COL25A1: variants seen among roughly 807,000 people sequenced by gnomAD.
COL25A1 encodes the protein collagen alpha-1(XXV) chain.
A neutral mutation model predicts 128.4 loss-of-function variants in COL25A1; 103 were observed. The ratio of observed to expected loss-of-function variants is 0.80; its 90% CI spans 0.68 to 0.94. COL25A1 has a LOEUF of 0.94. COL25A1 is among the 40% of genes least tolerant of loss of function. COL25A1 has a pLI of 0.00. For missense variants in COL25A1, 745 were observed against 840.0 expected (o/e 0.89, Z 1.40); for synonymous variants, 279 against 277.2 (o/e 1.01, Z -0.06).
chr4:109,168,026 T>C (rs1300721854), intron 3 of COL25A1, among the ~76,000 whole-genome samples: 1 of 152,160 alleles, frequency 6.6e-6, no homozygotes, highest in Non-Finnish European at 1.5e-5. Context: ...GTTGGTTTTT[T>C]AGGTTGCCAT....
chr4:109,273,687 A>G (rs931798478), intron 3 of COL25A1, among the ~76,000 whole-genome samples: 2 of 152,156 alleles, frequency 1.3e-5, no homozygotes, highest in African/African-American at 4.8e-5. Context: ...TTTTAAGGCT[A>G]ATAATCACTC....
chr4:108,942,023 T>A (rs1049295498), intron 8 of COL25A1, among the ~76,000 whole-genome samples: 1 of 152,316 alleles, frequency 6.6e-6, no homozygotes, highest in African/African-American at 2.4e-5. Context: ...CTCTCAAGTA[T>A]GCTCAGGATA....
rs776354821 is a variant in COL25A1 at position 108,899,048 on chromosome 4, C to T, written c.861+106G>A. The T allele has an allele frequency of 1.9e-6, 2 of 1,031,066 alleles. 1 individual carries two copies. Among genetic ancestry groups the T allele is most frequent in the Non-Finnish European group, 2.9e-6 (2 of 686,406 alleles). The allele number at this position is 1,031,066 out of a possible 1,614,324, so 63.9% of individuals were successfully genotyped here. A position where few individuals can be genotyped will look rare whatever the true frequency, so the allele number is the denominator to read the frequency against. On this transcript the variant is annotated intron_variant, in intron 15 of 37. Transcript: ENST00000399132. Reference sequence around the variant, plus strand: ...CTACCTATTAATCTACCCACCCACCCATCCATCCACCCATCCATTCATGCA... The same window carrying T: ...CTACCTATTAATCTACCCACCCACCTATCCATCCACCCATCCATTCATGCA...
At chr4:109,111,555 C>T (rs1181017654) in intron 3 of COL25A1, among the ~76,000 whole-genome samples, 2 of 152,278 alleles carry the variant, frequency 1.3e-5, no homozygotes, top group African/African-American at 4.8e-5. Flanking sequence ...CTCAAGGATT[C>T]CTCGGACACA....
chr4:109,017,899 T>C (rs1390080675), intron 5 of COL25A1, among the ~76,000 whole-genome samples: 2 of 152,328 alleles, frequency 1.3e-5, no homozygotes, highest in Middle Eastern at 3.4e-3. Flanking sequence ...ACTACTACTT[T>C]TATTTTAGTA....
intron 5 of COL25A1, among the ~76,000 whole-genome samples, chr4:109,036,920 G>A (rs1759414761): frequency 6.6e-6 from 1 of 152,194 alleles, no homozygotes; most frequent in Admixed American, 6.5e-5. Flanking sequence ...GCAAGTTGAA[G>A]TTGTTCCCCA....
rs111610053 is a variant in COL25A1 at position 109,087,390 on chromosome 4, G to A, written c.368-37211C>T. ...GAAATTTAACTGCACCACCCACCCC[G>A]CCTGCGCCACACCTAGATGACAGCA... On this transcript the variant is annotated intron_variant, in intron 3 of 37. Coordinates refer to ENST00000399132, the MANE Select transcript of COL25A1 (RefSeq NM_198721.4). Among the ~76,000 whole-genome samples, 842 of 152,200 alleles carry A rather than the reference G, an allele frequency of 5.5e-3. 9 individuals are homozygous for A. Among genetic ancestry groups the A allele is most frequent in the African/African-American group, 0.019 (782 of 41,528 alleles).
intron 3 of COL25A1, among the ~76,000 whole-genome samples, chr4:109,152,999 T>C (rs751334632): frequency 9.9e-5 from 15 of 152,160 alleles, no homozygotes; most frequent in Non-Finnish European, 1.9e-4. Flanking sequence ...CGCAAAACTA[T>C]ACATTTAAGT....
chr4:109,085,893 C>T lies in COL25A1; in HGVS notation c.368-35714G>A, dbSNP rs191246883. ...GAATCTTTTACCCTGAAAATAACAT[C>T]CAGTATATTTTATAAGGATGAGGTA... On this transcript the variant is annotated intron_variant, in intron 3 of 37. Coordinates refer to ENST00000399132, the MANE Select transcript of COL25A1 (RefSeq NM_198721.4). 2.1e-4 allele frequency among the ~76,000 whole-genome samples: 32 copies of T among 152,172 alleles called. No homozygotes were observed. The East Asian group carries it at 5.8e-3, about 28-fold the overall frequency.
At position 109,197,433 on chromosome 4, in the gene COL25A1, A is replaced by ATTATATG. The variant is rs1241975133; in HGVS notation, c.367+103149_367+103150insCATATAA. ...TATATATTATATATTATATATAAAT[A>ATTATATG]TTATATATTATATATATTATATATA... On this transcript the variant is annotated intron_variant, in intron 3 of 37. Coordinates refer to ENST00000399132, the MANE Select transcript of COL25A1 (RefSeq NM_198721.4). 1.9e-3 allele frequency among the ~76,000 whole-genome samples: 236 copies of ATTATATG among 124,554 alleles called. 2 individuals are homozygous for ATTATATG. In the South Asian group the frequency reaches 0.026, roughly 14 times the overall value. The allele number at this position is 124,554 out of a possible 152,430, so 81.7% of individuals were successfully genotyped here.
chr4:109,137,311 A>C (rs1769883948), intron 3 of COL25A1, among the ~76,000 whole-genome samples: 2 of 152,240 alleles, frequency 1.3e-5, no homozygotes, highest in Admixed American at 1.3e-4. Flanking sequence ...ACTATCCATG[A>C]AAATAAAAAC....
In COL25A1 at chr4:109,300,603, G is replaced by A. The variant is rs1215471976; in HGVS notation, c.347C>T (p.Ser116Leu). The A allele has an allele frequency of 1.2e-6, 2 of 1,611,720 alleles. No individual in the cohort carries two copies. The highest frequency in any genetic ancestry group is 1.3e-5 in the African/African-American group (1 of 74,868). The change falls in exon 3 of 38, where the codon TCA becomes TTA. Residue 116 changes from serine to leucine, a missense_variant. Around this residue, in one of 3 missense-constraint regions of COL25A1, gnomAD observed 319 missense variants for 324.9 expected, o/e 0.98. Transcript: ENST00000399132. ...AKIRIAREAP[S>L]ECNCPAGPPG... ...TTTACCTGCTGGGCAGTTACATTCT[G>A]AAGGTGCTTCTCTTGCGATTCTTAT... is the stretch of plus-strand genomic sequence containing the variant.
intron 32 of COL25A1, among the ~76,000 whole-genome samples, chr4:108,831,641 G>A (rs1733111385): frequency 6.6e-6 from 1 of 150,412 alleles, no homozygotes; most frequent in African/African-American, 2.5e-5. Context: ...AGATTTCCAA[G>A]GTGAGGAAAA....
chr4:109,177,031 G>A (rs1578362927), intron 3 of COL25A1, among the ~76,000 whole-genome samples: 1 of 152,170 alleles, frequency 6.6e-6, no homozygotes, highest in Non-Finnish European at 1.5e-5. Flanking sequence ...TGTTACAGAA[G>A]CCCTAGGAAT....
intron 3 of COL25A1, among the ~76,000 whole-genome samples, chr4:109,054,779 T>C (rs1182896359): frequency 6.6e-6 from 1 of 151,752 alleles, no homozygotes; most frequent in African/African-American, 2.4e-5. Context: ...AGGGACAGAG[T>C]GAGGACGAAG....
At chr4:109,096,286 T>C (rs985304903) in intron 3 of COL25A1, among the ~76,000 whole-genome samples, 1 of 152,234 alleles carries the variant, frequency 6.6e-6, no homozygotes, top group South Asian at 2.1e-4. Context: ...AATGACACTT[T>C]GGTCAATGAC....
chr4:108,831,239 A>G (rs1360903721), intron 32 of COL25A1, among the ~76,000 whole-genome samples: 1 of 152,070 alleles, frequency 6.6e-6, no homozygotes, highest in African/African-American at 2.4e-5. Context: ...TAATTAATCA[A>G]TTATAATGGT....
At chr4:108,909,227 T>C (rs1743918268) in intron 13 of COL25A1, among the ~76,000 whole-genome samples, 1 of 152,150 alleles carries the variant, frequency 6.6e-6, no homozygotes, top group Non-Finnish European at 1.5e-5. Flanking sequence ...CAAGATGGAG[T>C]TGGTTGAGTC....
Position 108,894,319 on chromosome 4 carries a change from T to C in COL25A1, c.906+2348A>G, listed in dbSNP as rs559171758. Among the ~76,000 whole-genome samples, 14 of 152,280 alleles carry C rather than the reference T, an allele frequency of 9.2e-5. No homozygotes were observed. The East Asian group carries it at 2.5e-3, about 27-fold the overall frequency. On this transcript the variant is annotated intron_variant, in intron 16 of 37. Transcript: ENST00000399132. Reference sequence around the variant, plus strand: ...GACATCTTTTAAGCATAAAATTCTCTACATAAATCCACATAGGCATTGTTC... The same window carrying C: ...GACATCTTTTAAGCATAAAATTCTCCACATAAATCCACATAGGCATTGTTC...
Sources: gnomAD v4.1 joint callset for allele counts (sites outside exome capture counted in the v4.1 genomes callset) on GRCh38, gnomAD v4.1.1 for gene constraint, gnomAD v4.1.1 regional missense constraint, MANE v1.5 for transcripts, NCBI Gene and HGNC (gene_info 2026-07-23, HGNC 2026-07-21) for gene names.